Variants in KIAA1217 observed in about 807,000 individuals in gnomAD.
KIAA1217 encodes the protein KIAA1217.
Under a neutral mutation model 163.9 loss-of-function variants are expected in KIAA1217, and 88 were observed. That is an observed-to-expected ratio of 0.54 (90% CI 0.45 to 0.64). The LOEUF (loss-of-function observed/expected upper bound fraction) is 0.64, where lower values mean the gene tolerates loss of function less well. Ranked by LOEUF, KIAA1217 falls within the 30% of genes least tolerant of loss-of-function variation. KIAA1217 has a pLI of 0.00. For missense variants in KIAA1217, 2,372 were observed against 2,475.0 expected, an observed-to-expected ratio of 0.96 and a Z score of 0.88; for synonymous variants, 903 against 923.1, an observed-to-expected ratio of 0.98 and a Z score of 0.39.
At chr10:24,461,937 C>A (rs1221066753) in intron 5 of KIAA1217, among the ~76,000 whole-genome samples, 1 of 151,912 alleles carries the variant, frequency 6.6e-6, no homozygotes, top group Non-Finnish European at 1.5e-5. Context: ...AGAATGTCAC[C>A]CCATAATGGA....
At chr10:24,301,549 C>G (rs2041335295) in intron 2 of KIAA1217, among the ~76,000 whole-genome samples, 2 of 152,148 alleles carry the variant, frequency 1.3e-5, no homozygotes, top group Admixed American at 6.6e-5. Flanking sequence ...CAGGTCTTCC[C>G]TCCTCTCCAT....
At chr10:24,522,634 C>A (rs939995745) in intron 12 of KIAA1217, among the ~76,000 whole-genome samples, 3 of 152,224 alleles carry the variant, frequency 2.0e-5, no homozygotes, top group Non-Finnish European at 4.4e-5. Context: ...AGGAATTTCA[C>A]TGCAAAGAAA....
Position 23,951,088 on chromosome 10 carries a change from G to A in KIAA1217, c.-320-56137G>A, listed in dbSNP as rs1249804978. Among the ~76,000 whole-genome samples the A allele has an allele frequency of 3.3e-5, 5 of 152,276 alleles. No individual in the cohort carries two copies. The South Asian group carries it at 6.2e-4, about 19-fold the overall frequency. On this transcript the variant is annotated intron_variant, in intron 1 of 18. Transcript: ENST00000376462. Reference sequence around the variant, plus strand: ...AGGATATTATCGTTTGGTATGAAAGGCAGTACTGTGAGAACAGGAATTCCA... The same window carrying A: ...AGGATATTATCGTTTGGTATGAAAGACAGTACTGTGAGAACAGGAATTCCA...
intron 1 of KIAA1217, among the ~76,000 whole-genome samples, chr10:23,905,244 GA>G (rs1443505301): frequency 6.6e-6 from 1 of 151,282 alleles, no homozygotes; most frequent in Non-Finnish European, 1.5e-5. Flanking sequence ...ATCTGCCCAG[GA>G]CCCTGGATCA....
intron 1 of KIAA1217, among the ~76,000 whole-genome samples, chr10:23,792,425 C>T (rs1835997261): frequency 6.6e-6 from 1 of 151,968 alleles, no homozygotes; most frequent in East Asian, 1.9e-4. Context: ...TTTGAATGGA[C>T]CTAACTTGAA....
intron 2 of KIAA1217, among the ~76,000 whole-genome samples, chr10:24,173,901 T>C (rs1009350007): frequency 2.0e-5 from 3 of 152,246 alleles, no homozygotes; most frequent in African/African-American, 7.2e-5. Context: ...CTGCATCTCT[T>C]TGCCATAAGT....
At chr10:23,827,843 G>A (rs1588899296) in intron 1 of KIAA1217, among the ~76,000 whole-genome samples, 1 of 152,170 alleles carries the variant, frequency 6.6e-6, no homozygotes, top group African/African-American at 2.4e-5. Flanking sequence ...AATGAAGAGG[G>A]CTGTTGGTGT....
chr10:23,905,048 T>C (rs1452345353), intron 1 of KIAA1217, among the ~76,000 whole-genome samples: 2 of 149,860 alleles, frequency 1.3e-5, no homozygotes, highest in East Asian at 2.0e-4. Flanking sequence ...ATTGGGATTC[T>C]TCTTTTCTCT....
intron 2 of KIAA1217, among the ~76,000 whole-genome samples, chr10:24,088,364 T>C (rs1207318250): frequency 8.4e-6 from 1 of 118,956 alleles, no homozygotes; most frequent in African/African-American, 2.6e-5. Context: ...GTTACATATG[T>C]ATACATGTGC....
At chr10:23,809,715 G>C (rs1836903177) in intron 1 of KIAA1217, among the ~76,000 whole-genome samples, 1 of 151,938 alleles carries the variant, frequency 6.6e-6, no homozygotes, top group Non-Finnish European at 1.5e-5. Context: ...TCTGTAATAT[G>C]TAATGGCAAC....
chr10:24,016,647 G>A (rs946464108), intron 2 of KIAA1217, among the ~76,000 whole-genome samples: 2 of 152,024 alleles, frequency 1.3e-5, no homozygotes, highest in African/African-American at 4.8e-5. Flanking sequence ...AGTAATTAAG[G>A]ATGTGTGTTC....
At chr10:24,300,278 G>T (rs2041152166) in intron 2 of KIAA1217, among the ~76,000 whole-genome samples, 1 of 152,184 alleles carries the variant, frequency 6.6e-6, no homozygotes, top group Admixed American at 6.5e-5. Flanking sequence ...CCTTTTGGGA[G>T]AATTATTTCC....
chr10:23,812,546 A>T (rs559791050), intron 1 of KIAA1217, among the ~76,000 whole-genome samples: 37 of 152,274 alleles, frequency 2.4e-4, no homozygotes. Context: ...CACATTACAT[A>T]CAAGTTACTC....
chr10:23,884,647 C>A (rs547687172), intron 1 of KIAA1217, among the ~76,000 whole-genome samples: 1 of 151,884 alleles, frequency 6.6e-6, no homozygotes, highest in East Asian at 1.9e-4. Context: ...TTGGCCAGAC[C>A]ATTATCCAGG....
intron 1 of KIAA1217, among the ~76,000 whole-genome samples, chr10:23,947,439 C>T (rs1844107314): frequency 6.6e-6 from 1 of 152,162 alleles, no homozygotes; most frequent in Non-Finnish European, 1.5e-5. Context: ...ATGTGCAATC[C>T]ATAGATAAAT....
intron 1 of KIAA1217, among the ~76,000 whole-genome samples, chr10:23,893,533 G>C (rs556827390): frequency 6.6e-6 from 1 of 152,004 alleles, no homozygotes; most frequent in South Asian, 2.1e-4. Flanking sequence ...CCTTCTGCTA[G>C]CTTTTGGATG....
At chr10:24,227,189 G>T (rs187140348) in intron 2 of KIAA1217, among the ~76,000 whole-genome samples, 1 of 150,912 alleles carries the variant, frequency 6.6e-6, no homozygotes, top group Non-Finnish European at 1.5e-5. Context: ...ACAGAGTCTC[G>T]CTCTGTCACC....
At chr10:24,120,187 A>G (rs1477181394) in intron 2 of KIAA1217, among the ~76,000 whole-genome samples, 1 of 152,140 alleles carries the variant, frequency 6.6e-6, no homozygotes, top group Admixed American at 6.5e-5. Context: ...ATTATTTCAG[A>G]CCTATAGATG....
chr10:23,808,210 T>C (rs1836835433), intron 1 of KIAA1217, among the ~76,000 whole-genome samples: 1 of 152,202 alleles, frequency 6.6e-6, no homozygotes, highest in Non-Finnish European at 1.5e-5. Context: ...AGTCATCACA[T>C]TGGTACTCTT....
Sources: gnomAD v4.1 joint callset for allele counts (sites outside exome capture counted in the v4.1 genomes callset) on GRCh38, gnomAD v4.1.1 for gene constraint, MANE v1.5 for transcripts, NCBI Gene and HGNC (gene_info 2026-07-23, HGNC 2026-07-21) for gene names.